Variants in ACBD6 observed in about 807,000 individuals in gnomAD.
ACBD6 encodes acyl-CoA-binding domain-containing protein 6.
Under a neutral mutation model 37.2 loss-of-function variants are expected in ACBD6, and 28 were observed. The observed-to-expected ratio is 0.75, with a 90% CI of 0.56 to 1.03. The LOEUF (loss-of-function observed/expected upper bound fraction) is 1.03. Ranked by LOEUF, ACBD6 falls within the 50% of genes least tolerant of loss-of-function variation. ACBD6 has a pLI of 0.00. For missense variants in ACBD6, 340 were observed against 337.4 expected, an observed-to-expected ratio of 1.01 and a Z score of -0.06; for synonymous variants, 113 against 126.8, an observed-to-expected ratio of 0.89 and a Z score of 0.73.
At chr1:180,478,597 T>G (rs1486399597) in intron 3 of ACBD6, among the ~76,000 whole-genome samples, 3 of 151,822 alleles carry the variant, frequency 2.0e-5, no homozygotes, top group Non-Finnish European at 4.4e-5. Context: ...CAAGCAATTC[T>G]CCTGCCTCAG....
downstream of ACBD6, among the ~76,000 whole-genome samples, chr1:180,284,668 C>G (rs554303149): frequency 6.6e-6 from 1 of 152,084 alleles, no homozygotes; most frequent in South Asian, 2.1e-4. Flanking sequence ...CCGAGCCTGG[C>G]CGATATTAAG....
exon 14 of ACBD6, chr1:180,271,094 T>C: frequency 2.0e-6 from 1 of 498,250 alleles, no homozygotes; most frequent in Non-Finnish European, 3.7e-6. Flanking sequence ...GTACATTCAA[T>C]CTGATGAGAC....
chr1:180,465,077 C>A (rs1650296050), intron 3 of ACBD6, among the ~76,000 whole-genome samples: 1 of 152,032 alleles, frequency 6.6e-6, no homozygotes, highest in Non-Finnish European at 1.5e-5. Context: ...ACCATAAAAA[C>A]CCTGGAAGAC....
chr1:180,492,424 T>C, intron 2 of ACBD6, 59 bp from the exon 3 acceptor site: 3 of 1,327,522 alleles, frequency 2.3e-6, no homozygotes, highest in Non-Finnish European at 3.3e-6. Context: ...AACAGCATTT[T>C]TCTTATTATT....
chr1:180,337,241 G>A (rs1651761371), intron 6 of ACBD6, among the ~76,000 whole-genome samples: 1 of 152,098 alleles, frequency 6.6e-6, no homozygotes, highest in South Asian at 2.1e-4. Flanking sequence ...GAACATCGAT[G>A]CAAAAATCCT....
chr1:180,317,425 G>A (rs1478470193), intron 6 of ACBD6, among the ~76,000 whole-genome samples: 1 of 152,180 alleles, frequency 6.6e-6, no homozygotes, highest in Non-Finnish European at 1.5e-5. Flanking sequence ...GAGATGAACA[G>A]TGGTGATAAC....
chr1:180,281,206 G>A (rs1476478915), intron 9 of ACBD6: 1 of 152,110 alleles, frequency 6.6e-6, no homozygotes, highest in Non-Finnish European at 1.5e-5. Context: ...TGGCACCTGA[G>A]CAGTCTGATT....
chr1:180,322,367 C>T (rs1365529926), intron 6 of ACBD6, among the ~76,000 whole-genome samples: 5 of 151,958 alleles, frequency 3.3e-5, no homozygotes, highest in Non-Finnish European at 2.9e-5. Context: ...TAATACTGGC[C>T]TTATAGAATG....
chr1:180,383,325 TAAAC>T (rs1388393957), intron 6 of ACBD6, among the ~76,000 whole-genome samples: 1 of 152,178 alleles, frequency 6.6e-6, no homozygotes, highest in Non-Finnish European at 1.5e-5. Context: ...TTAGATCTAA[TAAAC>T]AAATTCAGTC....
At chr1:180,468,032 G>A (rs977591129) in intron 3 of ACBD6, among the ~76,000 whole-genome samples, 3 of 152,166 alleles carry the variant, frequency 2.0e-5, no homozygotes, top group Non-Finnish European at 4.4e-5. Context: ...AGAGGAAAAC[G>A]GGGGTGTGGC....
intron 5 of ACBD6, among the ~76,000 whole-genome samples, chr1:180,411,065 C>T (rs1209483627): frequency 2.0e-5 from 3 of 152,190 alleles, no homozygotes; most frequent in African/African-American, 7.2e-5. Context: ...GGAAAAGTTA[C>T]TTGCAGATGT....
At chr1:180,471,013 T>G (rs1295884420) in intron 3 of ACBD6, among the ~76,000 whole-genome samples, 1 of 152,224 alleles carries the variant, frequency 6.6e-6, no homozygotes, top group African/African-American at 2.4e-5. Flanking sequence ...CCTGTGAATA[T>G]AACATAAATA....
chr1:180,299,006 C>T (rs979208903), intron 7 of ACBD6, among the ~76,000 whole-genome samples: 1 of 152,164 alleles, frequency 6.6e-6, no homozygotes, highest in Non-Finnish European at 1.5e-5. Context: ...CCTACTTGCA[C>T]ATATAGTTGC....
At chr1:180,299,543 G>A (rs765025511) in intron 7 of ACBD6, among the ~76,000 whole-genome samples, 3 of 151,778 alleles carry the variant, frequency 2.0e-5, no homozygotes, top group Non-Finnish European at 2.9e-5. Flanking sequence ...TAATCCTCAG[G>A]GTTTTGATAA....
rs571013663 is a variant in ACBD6, at chr1:180,316,276, T to C, written c.664-1554A>G. Among the ~76,000 whole-genome samples the C allele has an allele frequency of 9.4e-4, 143 of 152,138 alleles. 1 individual carries two copies. The highest frequency in any genetic ancestry group is 3.2e-3 in the African/African-American group (132 of 41,516). On this transcript the variant is annotated intron_variant, in intron 6 of 7. Transcript: ENST00000367595. ...TGACCATTATGGCTTAAGACTCATA[T>C]CTATATTTGTCAGCTTCCAATGTTA...
chr1:180,492,415 A>G, intron 2 of ACBD6, 50 bp from the exon 3 acceptor site: 1 of 1,387,282 alleles, frequency 7.2e-7, no homozygotes, highest in Non-Finnish European at 1.0e-6. Context: ...AATAACACAA[A>G]CAGCATTTTT....
At chr1:180,298,362 C>G (rs1650001042) in intron 7 of ACBD6, among the ~76,000 whole-genome samples, 1 of 152,192 alleles carries the variant, frequency 6.6e-6, no homozygotes, top group African/African-American at 2.4e-5. Flanking sequence ...TAATAACCAT[C>G]ATGATCTGTC....
At chr1:180,387,742 T>C (rs1295918935) in intron 6 of ACBD6, among the ~76,000 whole-genome samples, 2 of 127,016 alleles carry the variant, frequency 1.6e-5, no homozygotes, top group Admixed American at 1.6e-4. Context: ...GGTATTGTTG[T>C]TGAAAAGTTC....
chr1:180,274,685 C>T lies in ACBD6; in HGVS notation c.*902G>A. 10 of 1,324,024 alleles carry T rather than the reference C, an allele frequency of 7.6e-6. No homozygotes were observed. In the South Asian group the frequency reaches 1.5e-4, roughly 19 times the overall value. The allele number at this position is 1,324,024 out of a possible 1,614,324, so 82.0% of individuals were successfully genotyped here. A position where few individuals can be genotyped will look rare whatever the true frequency, so the allele number is the denominator to read the frequency against. Reference sequence around the variant, plus strand: ...ATCGAAAGTACGCCAATGTGAATTTCCATTATTTTCAATGGAAGTCCTCCG... The same window carrying T: ...ATCGAAAGTACGCCAATGTGAATTTTCATTATTTTCAATGGAAGTCCTCCG... On this transcript the variant is annotated 3_prime_UTR_variant, in exon 10 of 14. Transcript: ENST00000642319.
Sources: allele counts gnomAD v4.1 joint callset (sites outside exome capture counted in the v4.1 genomes callset), GRCh38; gene constraint gnomAD v4.1.1; transcripts MANE v1.5; gene names NCBI Gene and HGNC (gene_info 2026-07-23, HGNC 2026-07-21).